The following CSMD1 variants were observed in gnomAD, a reference collection of about 807,000 sequenced individuals.
CSMD1 encodes CUB and Sushi multiple domains 1.
A neutral mutation model predicts 417.5 loss-of-function variants in CSMD1; 213 were observed. The observed-to-expected ratio is 0.51, with a 90% CI of 0.46 to 0.57. The LOEUF (loss-of-function observed/expected upper bound fraction) is 0.57. Ranked by LOEUF, CSMD1 falls within the 20% of genes least tolerant of loss-of-function variation. The pLI is 0.00. For missense variants in CSMD1, 6,923 were observed against 4,529.7 expected (o/e 1.53, Z -15.17); for synonymous variants, 2,862 against 1,736.8 (o/e 1.65, Z -16.11).
rs1796682734 is a variant in CSMD1 at position 3,739,384 on chromosome 8, ATAGT to A, written c.931+14542_931+14545del. On this transcript the variant is annotated intron_variant, in intron 6 of 69. Coordinates refer to ENST00000635120, the MANE Select transcript of CSMD1 (RefSeq NM_033225.6). ...TTAACCACTTATTACACGTTTACAAATAGTTAGAAGACAGGATTTAGAATGTTCC... is the reference window on the plus strand; with the variant it reads ...TTAACCACTTATTACACGTTTACAAATAGAAGACAGGATTTAGAATGTTCC... 7.9e-5 allele frequency among the ~76,000 whole-genome samples: 12 copies of A among 152,354 alleles called. No homozygotes were observed. The South Asian group carries it at 1.0e-3, about 13-fold the overall frequency.
At chr8:3,853,383 G>C (rs1443816068) in intron 5 of CSMD1, among the ~76,000 whole-genome samples, 1 of 152,088 alleles carries the variant, frequency 6.6e-6, no homozygotes, top group Non-Finnish European at 1.5e-5. Flanking sequence ...GTAATGTAAT[G>C]CATTGGTATA....
chr8:3,318,233 A>G (rs984521443), intron 23 of CSMD1, among the ~76,000 whole-genome samples: 4 of 152,054 alleles, frequency 2.6e-5, no homozygotes, highest in African/African-American at 7.2e-5. Context: ...TTCTTACTAT[A>G]ATGTTTTGCT....
chr8:4,685,713 A>G (rs935263654), intron 1 of CSMD1, among the ~76,000 whole-genome samples: 3 of 152,226 alleles, frequency 2.0e-5, no homozygotes, highest in African/African-American at 7.2e-5. Context: ...GAAACGGTAA[A>G]ATAAATTCTG....
chr8:4,264,310 C>T (rs948031459), intron 3 of CSMD1, among the ~76,000 whole-genome samples: 6 of 152,154 alleles, frequency 3.9e-5, no homozygotes, highest in African/African-American at 1.2e-4. Context: ...TTTCAAAAAG[C>T]ATGACATTCA....
chr8:3,690,957 T>C (rs1800204022), intron 7 of CSMD1, among the ~76,000 whole-genome samples: 1 of 152,180 alleles, frequency 6.6e-6, no homozygotes, highest in Admixed American at 6.5e-5. Context: ...CCCCATGATT[T>C]GACTGGTTAA....
At chr8:4,701,076 T>A (rs922491117) in intron 1 of CSMD1, among the ~76,000 whole-genome samples, 2 of 152,114 alleles carry the variant, frequency 1.3e-5, no homozygotes, top group Non-Finnish European at 2.9e-5. Flanking sequence ...ATGAGTTTTA[T>A]TGAAATTAAG....
chr8:4,660,114 CAAAA>C (rs33982434), intron 1 of CSMD1, among the ~76,000 whole-genome samples: 2 of 122,852 alleles, frequency 1.6e-5, no homozygotes, highest in African/African-American at 2.9e-5. Context: ...TCAACCAGTG[CAAAA>C]AAAAAAAAAA....
At chr8:3,262,678 C>G (rs181464238) in intron 26 of CSMD1, among the ~76,000 whole-genome samples, 28 of 152,128 alleles carry the variant, frequency 1.8e-4, no homozygotes, top group Middle Eastern at 3.4e-3. Flanking sequence ...TTCAAGCAAA[C>G]ATGGAATACC....
chr8:4,374,831 G>C (rs146921351), intron 3 of CSMD1, among the ~76,000 whole-genome samples: 134 of 152,156 alleles, frequency 8.8e-4, no homozygotes, highest in African/African-American at 2.4e-3. Flanking sequence ...GCTGAGCAAA[G>C]TCTAGAGTGA....
chr8:4,288,768 C>G (rs1219501139), intron 3 of CSMD1, among the ~76,000 whole-genome samples: 3 of 152,314 alleles, frequency 2.0e-5, no homozygotes, highest in East Asian at 3.9e-4. Flanking sequence ...ACTCTAAGAT[C>G]TGATACCTGT....
At chr8:3,774,522 T>C (rs1006202943) in intron 5 of CSMD1, among the ~76,000 whole-genome samples, 17 of 152,164 alleles carry the variant, frequency 1.1e-4, no homozygotes, top group Admixed American at 7.9e-4. Context: ...GCTGAATACA[T>C]GAATTGGTAT....
chr8:3,072,149 C>G (rs1032611641), intron 49 of CSMD1, among the ~76,000 whole-genome samples: 35 of 152,194 alleles, frequency 2.3e-4, no homozygotes, highest in African/African-American at 8.4e-4. Flanking sequence ...CTCAGGGCAT[C>G]TGAGATCAAT....
At chr8:4,156,064 G>T (rs946571717) in intron 3 of CSMD1, among the ~76,000 whole-genome samples, 1 of 152,094 alleles carries the variant, frequency 6.6e-6, no homozygotes, top group African/African-American at 2.4e-5. Context: ...CTACAGAAAT[G>T]GAATTGGAAT....
At chr8:4,507,669 G>C (rs1342394314) in intron 2 of CSMD1, among the ~76,000 whole-genome samples, 2 of 152,152 alleles carry the variant, frequency 1.3e-5, no homozygotes, top group African/African-American at 2.4e-5. Flanking sequence ...ATCTGAGCAA[G>C]GCAATGGAAG....
At chr8:4,031,615 T>G (rs1038131236) in intron 4 of CSMD1, among the ~76,000 whole-genome samples, 1 of 151,568 alleles carries the variant, frequency 6.6e-6, no homozygotes, top group Non-Finnish European at 1.5e-5. Flanking sequence ...ATTGACTTTA[T>G]GTGGTCCAAG....
chr8:3,987,435 G>C (rs1285736876), intron 5 of CSMD1, among the ~76,000 whole-genome samples: 3 of 152,206 alleles, frequency 2.0e-5, no homozygotes, highest in Non-Finnish European at 1.5e-5. Context: ...TCCTGGTACA[G>C]TGGTAGGTTT....
At chr8:4,517,566 T>C (rs1025252358) in intron 2 of CSMD1, among the ~76,000 whole-genome samples, 2 of 152,248 alleles carry the variant, frequency 1.3e-5, no homozygotes, top group African/African-American at 4.8e-5. Context: ...TACAGCAGTT[T>C]CATTTTACAG....
chr8:4,457,099 A>T (rs1465007454), intron 2 of CSMD1, among the ~76,000 whole-genome samples: 2 of 151,918 alleles, frequency 1.3e-5, no homozygotes, highest in Non-Finnish European at 2.9e-5. Flanking sequence ...AAATAATATG[A>T]CTATCGATGT....
intron 25 of CSMD1, among the ~76,000 whole-genome samples, chr8:3,303,790 A>C (rs1056687106): frequency 2.0e-5 from 3 of 152,170 alleles, no homozygotes; most frequent in African/African-American, 7.2e-5. Context: ...AATATTACCA[A>C]ATAACTTTCA....
Sources: gnomAD v4.1 joint callset for allele counts (sites outside exome capture counted in the v4.1 genomes callset) on GRCh38, gnomAD v4.1.1 for gene constraint, MANE v1.5 for transcripts, NCBI Gene and HGNC (gene_info 2026-07-23, HGNC 2026-07-21) for gene names.